The following ZNF599 variants were observed in gnomAD, a reference collection of about 807,000 sequenced individuals.
ZNF599 encodes zinc finger protein 599.
In ZNF599, 10 loss-of-function variants were observed where a neutral mutation model predicts 11.7. The ratio of observed to expected loss-of-function variants is 0.86; its 90% CI spans 0.53 to 1.45. The LOEUF (loss-of-function observed/expected upper bound fraction) is 1.45. Among genes scored for constraint, ZNF599 ranks in the 40% most tolerant of loss-of-function variants. ZNF599 has a pLI of 0.00. For missense variants in ZNF599, 688 were observed against 713.6 expected, an observed-to-expected ratio of 0.96 and a Z score of 0.41; for synonymous variants, 232 against 253.2, an observed-to-expected ratio of 0.92 and a Z score of 0.79.
At chr19:34,765,137 G>C (rs929354151) in intron 3 of ZNF599, 1 of 156,010 alleles carries the variant, frequency 6.4e-6, no homozygotes, top group Non-Finnish European at 1.4e-5. Flanking sequence ...GAGGTAGGAA[G>C]TAAGTGAAGA....
intron 3 of ZNF599, chr19:34,764,538 T>C (rs2069130769): frequency 6.6e-6 from 1 of 152,182 alleles, no homozygotes; most frequent in Non-Finnish European, 1.5e-5. Context: ...TGTCCATCAA[T>C]AGGAAAATGG....
chr19:34,762,607 GATAA>G (rs1409402259), intron 3 of ZNF599, among the ~76,000 whole-genome samples: 9 of 152,036 alleles, frequency 5.9e-5, no homozygotes, highest in African/African-American at 1.7e-4. Flanking sequence ...CCTGAAAATG[GATAA>G]ATACATTGTG....
chr19:34,777,364 A>G, upstream of ZNF599, among the ~76,000 whole-genome samples: 1 of 59,460 alleles, frequency 1.7e-5, no homozygotes, highest in African/African-American at 8.6e-5. Context: ...ATATATTAAT[A>G]TATTATATAT....
chr19:34,783,376 C>T, the ZNF599 span, among the ~76,000 whole-genome samples: 2 of 152,272 alleles, frequency 1.3e-5, no homozygotes, highest in East Asian at 3.9e-4. Context: ...ACTGAGCAGG[C>T]TAAGGATCGA....
chr19:34,790,008 ATTTTAAGTTTAT>A, the ZNF599 span, among the ~76,000 whole-genome samples: 1 of 152,110 alleles, frequency 6.6e-6, no homozygotes, highest in Admixed American at 6.6e-5. Flanking sequence ...TCTTTAGTTC[ATTTTAAGTTTAT>A]TTTTGTATAT....
rs1465474060 is a variant in ZNF599, at chr19:34,772,822, AC to A, written c.18+1del. Reference sequence around the variant, plus strand: ...GCGCGGGCTGCGGAACCCTCCACTCACCAACGCCGGCGCCGCCATGGGCCCA... The same window carrying A: ...GCGCGGGCTGCGGAACCCTCCACTCACAACGCCGGCGCCGCCATGGGCCCA... On this transcript the variant is annotated splice_donor_variant, in intron 1 of 3. Coordinates refer to ENST00000329285, the MANE Select transcript of ZNF599 (RefSeq NM_001007248.3). LOFTEE classifies it high-confidence loss of function. The A allele has an allele frequency of 2.0e-6, 3 of 1,524,578 alleles. No individual in the cohort carries two copies. The highest frequency in any genetic ancestry group is 1.8e-6 in the Non-Finnish European group (2 of 1,139,628). 94.4% of individuals were successfully genotyped at this position (1,524,578 alleles called of 1,614,324 possible). A position where few individuals can be genotyped will look rare whatever the true frequency, so the allele number is the denominator to read the frequency against.
intron 2 of ZNF599, among the ~76,000 whole-genome samples, chr19:34,768,391 C>A (rs1435817724): frequency 6.6e-6 from 1 of 152,202 alleles, no homozygotes; most frequent in Admixed American, 6.5e-5. Context: ...TCATTAATGA[C>A]TCATCCCTCG....
At chr19:34,777,075 C>A (rs1441760914), upstream of ZNF599, among the ~76,000 whole-genome samples, 1 of 151,152 alleles carries the variant, frequency 6.6e-6, no homozygotes, top group Non-Finnish European at 1.5e-5. Flanking sequence ...CTGACCATGC[C>A]TCTGGAGTTG....
At chr19:34,790,091 C>T in the ZNF599 span, among the ~76,000 whole-genome samples, 3 of 152,146 alleles carry the variant, frequency 2.0e-5, no homozygotes, top group Non-Finnish European at 4.4e-5. Context: ...TTTCCAACAC[C>T]ATTTATTGAA....
intron 1 of ZNF599, among the ~76,000 whole-genome samples, chr19:34,770,066 C>T (rs978201694): frequency 2.0e-5 from 3 of 152,234 alleles, no homozygotes; most frequent in Non-Finnish European, 4.4e-5. Context: ...CACATCAATA[C>T]ATTAATAGTT....
chr19:34,767,333 G>C lies in ZNF599; in HGVS notation c.224C>G (p.Ser75Cys). 1 of 1,614,106 alleles carries C rather than the reference G, an allele frequency of 6.2e-7. No homozygotes were observed. The highest frequency in any genetic ancestry group is 2.2e-5 in the East Asian group (1 of 44,878). The change falls in exon 3 of 4, where the codon TCC becomes TGC. Residue 75 changes from serine to cysteine, a missense_variant. Coordinates refer to ENST00000329285, the MANE Select transcript of ZNF599 (RefSeq NM_001007248.3). Reference sequence around the variant, plus strand: ...TCACCAACCTGCGCAGGTGCTTTGGGAGAGGCCTCTCTTCACTGTCCACAG... The same window carrying C: ...TCACCAACCTGCGCAGGTGCTTTGGCAGAGGCCTCTCTTCACTGTCCACAG... ...QELWTVKRGL[S>C]QSTCAGEKAK...
chr19:34,765,113 A>T (rs2069134201), intron 3 of ZNF599: 1 of 152,816 alleles, frequency 6.5e-6, no homozygotes, highest in Non-Finnish European at 1.5e-5. Context: ...TAGAGAGGGG[A>T]TGAAAATATA....
At chr19:34,797,647 A>G in the ZNF599 span, among the ~76,000 whole-genome samples, 1 of 152,230 alleles carries the variant, frequency 6.6e-6, no homozygotes, top group Non-Finnish European at 1.5e-5. Flanking sequence ...TGTATGCAGA[A>G]GTACAGTATA....
intron 2 of ZNF599, among the ~76,000 whole-genome samples, chr19:34,767,875 G>A (rs571344720): frequency 6.6e-6 from 1 of 152,208 alleles, no homozygotes; most frequent in African/African-American, 2.4e-5. Context: ...AACTGGGTTA[G>A]CATGGATTGG....
chr19:34,797,892 C>T, the ZNF599 span, among the ~76,000 whole-genome samples: 1 of 152,158 alleles, frequency 6.6e-6, no homozygotes, highest in African/African-American at 2.4e-5. Context: ...CTAGAAGAGT[C>T]GTGGCAAGAT....
chr19:34,800,127 G>A, the ZNF599 span, among the ~76,000 whole-genome samples: 13 of 152,100 alleles, frequency 8.5e-5, no homozygotes, highest in Non-Finnish European at 1.5e-4. Context: ...CAGTTGGGTC[G>A]TTTTGTTTTC....
chr19:34,767,278 C>A, intron 3 of ZNF599, 38 bp downstream of exon 3: 1 of 1,550,460 alleles, frequency 6.4e-7, no homozygotes, highest in Non-Finnish European at 8.9e-7. Context: ...GGTCTGCAGG[C>A]TGCCCTGATA....
chr19:34,766,221 C>T (rs185691186), intron 3 of ZNF599, among the ~76,000 whole-genome samples: 6 of 152,266 alleles, frequency 3.9e-5, no homozygotes, highest in African/African-American at 1.2e-4. Context: ...TACAGTGTCA[C>T]AAATCCACCT....
At chr19:34,782,207 G>C in the ZNF599 span, among the ~76,000 whole-genome samples, 4 of 152,218 alleles carry the variant, frequency 2.6e-5, no homozygotes, top group African/African-American at 9.7e-5. Context: ...CTAAATGGTT[G>C]CTAAGCACTA....
Sources: gnomAD v4.1 joint callset for allele counts (sites outside exome capture counted in the v4.1 genomes callset) on GRCh38, gnomAD v4.1.1 for gene constraint, MANE v1.5 for transcripts, NCBI Gene and HGNC (gene_info 2026-07-23, HGNC 2026-07-21) for gene names.